The following RAD21L1 variants were observed in gnomAD, a reference collection of about 807,000 sequenced individuals.
The protein encoded by RAD21L1 is double-strand-break repair protein rad21-like protein 1.
A neutral mutation model predicts 69.0 loss-of-function variants in RAD21L1; 47 were observed. That is an observed-to-expected ratio of 0.68 (90% confidence interval 0.54 to 0.87). The LOEUF (loss-of-function observed/expected upper bound fraction) is 0.87. Ranked by LOEUF, RAD21L1 falls within the 40% of genes least tolerant of loss-of-function variation. RAD21L1 has a pLI of 0.00. For missense variants in RAD21L1, 583 were observed against 647.6 expected (o/e 0.90, Z 1.08); for synonymous variants, 177 against 205.8 (o/e 0.86, Z 1.20).
chr20:1,233,417 A>G (rs569007701), intron 4 of RAD21L1, among the ~76,000 whole-genome samples: 1 of 152,300 alleles, frequency 6.6e-6, no homozygotes, highest in South Asian at 2.1e-4. Context: ...TAGGAAGAAA[A>G]TCGAGAAATA....
chr20:1,226,657 G>C (rs1159171031), intron 1 of RAD21L1, among the ~76,000 whole-genome samples: 1 of 151,924 alleles, frequency 6.6e-6, no homozygotes, highest in Non-Finnish European at 1.5e-5. Context: ...TGCCCTTTGC[G>C]GGCCGGTTTC....
At chr20:1,232,102 C>T (rs2087402406) in intron 4 of RAD21L1, among the ~76,000 whole-genome samples, 1 of 152,086 alleles carries the variant, frequency 6.6e-6, no homozygotes, top group Non-Finnish European at 1.5e-5. Context: ...AGGAACAAAT[C>T]AGTAATGTGG....
intron 4 of RAD21L1, among the ~76,000 whole-genome samples, chr20:1,233,323 T>A (rs538044043): frequency 6.6e-6 from 1 of 151,778 alleles, no homozygotes; most frequent in Non-Finnish European, 1.5e-5. Flanking sequence ...TTAAAAAAAG[T>A]AAAGAGAGAG....
intron 13 of RAD21L1, among the ~76,000 whole-genome samples, chr20:1,253,382 AT>A: frequency 6.6e-6 from 1 of 152,000 alleles, no homozygotes; most frequent in Non-Finnish European, 1.5e-5. Context: ...CTGCAACCTC[AT>A]CCTCCTGGTT....
At chr20:1,226,600 A>C (rs2087266426) in intron 1 of RAD21L1, among the ~76,000 whole-genome samples, 1 of 149,716 alleles carries the variant, frequency 6.7e-6, no homozygotes, top group Non-Finnish European at 1.5e-5. Flanking sequence ...TCCCCTTCCG[A>C]CCCCTTCCTC....
chr20:1,234,019 A>G (rs1250937648), intron 4 of RAD21L1, 66 bp from the exon 5 acceptor site: 21 of 734,136 alleles, frequency 2.9e-5, no homozygotes, highest in Non-Finnish European at 4.1e-5. Context: ...CACTATATCA[A>G]TGATATTTTT....
chr20:1,241,522 A>T (rs1007996381), intron 8 of RAD21L1, among the ~76,000 whole-genome samples: 1 of 152,166 alleles, frequency 6.6e-6, no homozygotes, highest in Admixed American at 6.5e-5. Context: ...TTTTAACTGA[A>T]TTCACCACTG....
Position 1,246,210 on chromosome 20 carries a change from C to T in RAD21L1, c.1309-3C>T. On this transcript the variant is annotated splice_polypyrimidine_tract_variant and splice_region_variant and intron_variant, in intron 11 of 13. Transcript: ENST00000683101. This position sits in a 1 kb window ranked among gnomAD's most constrained non-coding sequence, Gnocchi z 4.6. ...CCTAACTTTCCCTAATTTGCTTCAGCAGGATATTGTTGAAATGGTGTCTTT... is the reference window on the plus strand; with the variant it reads ...CCTAACTTTCCCTAATTTGCTTCAGTAGGATATTGTTGAAATGGTGTCTTT... 2 of 1,517,230 alleles carry T rather than the reference C, an allele frequency of 1.3e-6. No homozygotes were observed. The highest frequency in any genetic ancestry group is 1.8e-6 in the Non-Finnish European group (2 of 1,130,196). 94.0% of individuals were successfully genotyped at this position (1,517,230 alleles called of 1,614,324 possible). A position where few individuals can be genotyped will look rare whatever the true frequency, so the allele number is the denominator to read the frequency against.
Position 1,243,125 on chromosome 20 carries a change from GC to G in RAD21L1, c.1113del (p.Phe372LeufsTer7). On this transcript the variant is annotated frameshift_variant, in exon 10 of 14. Transcript: ENST00000683101. LOFTEE classifies it high-confidence loss of function. ...MLFTKCFLSS[G>X]FKLGRKMIQK... Reference sequence around the variant, plus strand: ...TTTACAAAATGCTTTCTGTCCTCTGGCTTTAAACTTGGAAGAAAAATGATAC... The same window carrying G: ...TTTACAAAATGCTTTCTGTCCTCTGGTTTAAACTTGGAAGAAAAATGATAC... 1.3e-6 allele frequency: 2 copies of G among 1,538,240 alleles called. No individual in the cohort carries two copies. Among genetic ancestry groups the G allele is most frequent in the Non-Finnish European group, 1.8e-6 (2 of 1,142,424 alleles).
chr20:1,232,313 A>G (rs2087408172), intron 4 of RAD21L1, among the ~76,000 whole-genome samples: 1 of 152,214 alleles, frequency 6.6e-6, no homozygotes, highest in Non-Finnish European at 1.5e-5. Context: ...TATTTTACTC[A>G]GGGAACACAG....
intron 13 of RAD21L1, among the ~76,000 whole-genome samples, chr20:1,249,619 A>C (rs147952783): frequency 0.011 from 1,697 of 152,286 alleles, 40 homozygotes; most frequent in Admixed American, 0.058. Flanking sequence ...CACTTTTTAC[A>C]CTTCATTGAC....
chr20:1,229,807 G>T, intron 2 of RAD21L1, 73 bp from the exon 3 acceptor site: 1 of 1,150,728 alleles, frequency 8.7e-7, no homozygotes. Context: ...TTCTTACGAT[G>T]TCAGTAACTT....
intron 11 of RAD21L1, 120 bp downstream of exon 11, chr20:1,244,290 T>C: frequency 1.4e-6 from 1 of 726,790 alleles, no homozygotes; most frequent in Non-Finnish European, 2.1e-6. Context: ...TTAAATTGTT[T>C]TGCAATTTGT....
In RAD21L1 at chr20:1,250,012, G is replaced by A. The variant is rs568147061; in HGVS notation, c.1479+1309G>A. ...TAATGCTATCCCTCCCCCCTCCCCC[G>A]ACCCCATGACAGGCCCCGGTGTGTG... is the stretch of plus-strand genomic sequence containing the variant. On this transcript the variant is annotated intron_variant, in intron 13 of 13. Transcript: ENST00000683101. 7.1e-5 allele frequency among the ~76,000 whole-genome samples: 7 copies of A among 98,480 alleles called. No individual in the cohort carries two copies. In the South Asian group the frequency reaches 9.9e-4, roughly 14 times the overall value. The allele number at this position is 98,480 out of a possible 152,430, so 64.6% of individuals were successfully genotyped here.
chr20:1,233,051 C>A (rs2087424011), intron 4 of RAD21L1, among the ~76,000 whole-genome samples: 1 of 152,190 alleles, frequency 6.6e-6, no homozygotes, highest in African/African-American at 2.4e-5. Context: ...AATCTGCTGG[C>A]ACCTTGATCT....
At chr20:1,240,256 A>G (rs2087579182) in intron 7 of RAD21L1, 65 bp from the exon 8 acceptor site, 6 of 1,446,364 alleles carry the variant, frequency 4.1e-6, no homozygotes, top group Non-Finnish European at 5.4e-6. Flanking sequence ...TAATTCTCAT[A>G]CAGTCCTCTA....
rs535608286 is a variant in RAD21L1 at position 1,228,999 on chromosome 20, A to G, written c.144+402A>G. 5.3e-5 allele frequency among the ~76,000 whole-genome samples: 8 copies of G among 152,336 alleles called. No individual in the cohort carries two copies. The South Asian group carries it at 1.7e-3, about 32-fold the overall frequency. ...AATGTGTCATAAACAGTAAAGTACT[A>G]TGTTCATTATAAAACATTAAAACAG... On this transcript the variant is annotated intron_variant, in intron 2 of 13. Transcript: ENST00000683101.
intron 6 of RAD21L1, among the ~76,000 whole-genome samples, 156 bp downstream of exon 6, chr20:1,238,370 T>A (rs1046922712): frequency 6.6e-6 from 1 of 152,252 alleles, no homozygotes; most frequent in African/African-American, 2.4e-5. Flanking sequence ...GTCTGTGGCA[T>A]GTTTAAACAT....
intron 13 of RAD21L1, among the ~76,000 whole-genome samples, chr20:1,251,241 T>C (rs574908670): frequency 6.6e-6 from 1 of 152,306 alleles, no homozygotes; most frequent in African/African-American, 2.4e-5. Context: ...TGTGATGTTA[T>C]TGAAAGGTCA....
Sources: allele counts gnomAD v4.1 joint callset (sites outside exome capture counted in the v4.1 genomes callset), GRCh38; gene constraint gnomAD v4.1.1; non-coding constraint Gnocchi (gnomAD v3.1); transcripts MANE v1.5; gene names NCBI Gene and HGNC (gene_info 2026-07-23, HGNC 2026-07-21).